Variants in ARB2A observed in about 807,000 individuals in gnomAD.
ARB2A encodes cotranscriptional regulator ARB2A.
At chr5:93,985,705 G>A in the ARB2A span, among the ~76,000 whole-genome samples, 5 of 152,208 alleles carry the variant, frequency 3.3e-5, no homozygotes, top group South Asian at 2.1e-4. Context: ...GATTGCAGAC[G>A]GAGTCTCGCT....
At chr5:93,881,622 G>C in the ARB2A span, 11 of 1,606,654 alleles carry the variant, frequency 6.8e-6, no homozygotes, top group South Asian at 1.2e-4. Context: ...GACTGTACGT[G>C]TATCTTCGGC....
the ARB2A span, among the ~76,000 whole-genome samples, chr5:93,729,400 T>A: frequency 6.6e-6 from 1 of 152,192 alleles, no homozygotes; most frequent in Admixed American, 6.5e-5. Context: ...AGTATAGAGG[T>A]ACAATGTTAC....
chr5:93,817,580 A>G, the ARB2A span, among the ~76,000 whole-genome samples: 1 of 152,174 alleles, frequency 6.6e-6, no homozygotes. Flanking sequence ...ACTTACCACA[A>G]AGCTACAGTA....
chr5:93,825,429 G>A, the ARB2A span, among the ~76,000 whole-genome samples: 1 of 152,156 alleles, frequency 6.6e-6, no homozygotes, highest in African/African-American at 2.4e-5. Flanking sequence ...TTGTTTGGGA[G>A]ACTGTCCCCA....
chr5:93,687,625 T>C, the ARB2A span, among the ~76,000 whole-genome samples: 3 of 152,182 alleles, frequency 2.0e-5, no homozygotes, highest in Non-Finnish European at 4.4e-5. Flanking sequence ...ATAGAACGTA[T>C]TATTTTTATA....
chr5:94,098,843 T>C, the ARB2A span, among the ~76,000 whole-genome samples: 2 of 152,202 alleles, frequency 1.3e-5, no homozygotes, highest in Admixed American at 1.3e-4. Context: ...GAAACTACTA[T>C]GAACACCTCT....
the ARB2A span, among the ~76,000 whole-genome samples, chr5:93,641,971 T>C: frequency 2.0e-5 from 3 of 152,120 alleles, no homozygotes; most frequent in Non-Finnish European, 4.4e-5. Context: ...GAGTTTCCTA[T>C]TGATGATTGT....
chr5:93,931,813 T>A, the ARB2A span, among the ~76,000 whole-genome samples: 6 of 152,088 alleles, frequency 3.9e-5, no homozygotes, highest in Admixed American at 2.0e-4. Context: ...ATAAACTCTA[T>A]CCTGAATTCT....
At chr5:93,889,628 T>C in the ARB2A span, among the ~76,000 whole-genome samples, 1 of 151,888 alleles carries the variant, frequency 6.6e-6, no homozygotes, top group East Asian at 1.9e-4. Flanking sequence ...TAATAATTTA[T>C]ATTGCTCATT....
chr5:93,867,562 C>T, the ARB2A span, among the ~76,000 whole-genome samples: 3 of 151,970 alleles, frequency 2.0e-5, no homozygotes, highest in Admixed American at 1.3e-4. Flanking sequence ...GGACTACAGG[C>T]GTGTGCCACC....
chr5:93,809,584 T>C, the ARB2A span, among the ~76,000 whole-genome samples: 1 of 152,022 alleles, frequency 6.6e-6, no homozygotes, highest in Non-Finnish European at 1.5e-5. Context: ...AAAACTTTAC[T>C]ATTTTATGTG....
chr5:93,756,246 A>C, the ARB2A span, among the ~76,000 whole-genome samples: 1 of 152,200 alleles, frequency 6.6e-6, no homozygotes, highest in African/African-American at 2.4e-5. Flanking sequence ...GTCTGAGCTC[A>C]GACATGCCTA....
the ARB2A span, among the ~76,000 whole-genome samples, chr5:93,642,897 A>G: frequency 2.0e-5 from 3 of 152,220 alleles, no homozygotes; most frequent in African/African-American, 7.2e-5. Flanking sequence ...AACCACCTAT[A>G]GAGAATAGTT....
At chr5:93,666,092 C>T in the ARB2A span, among the ~76,000 whole-genome samples, 3 of 152,146 alleles carry the variant, frequency 2.0e-5, no homozygotes, top group East Asian at 5.8e-4. Context: ...ACAGGCCTGA[C>T]AGTAACAATG....
chr5:93,830,289 A>ATG, the ARB2A span, among the ~76,000 whole-genome samples: 9 of 35,546 alleles, frequency 2.5e-4, no homozygotes, highest in Non-Finnish European at 3.5e-4. Context: ...ATATATTTAT[A>ATG]TGTATATATA....
At chr5:93,796,099 T>C in the ARB2A span, among the ~76,000 whole-genome samples, 1 of 152,136 alleles carries the variant, frequency 6.6e-6, no homozygotes, top group Non-Finnish European at 1.5e-5. Context: ...GAAGGATAAG[T>C]ATGGACAGAG....
the ARB2A span, among the ~76,000 whole-genome samples, chr5:93,685,014 T>C: frequency 6.6e-6 from 1 of 152,218 alleles, no homozygotes; most frequent in Non-Finnish European, 1.5e-5. Flanking sequence ...AAGTAGCAAC[T>C]AAAGAGTTAT....
At chr5:93,824,715 T>A in the ARB2A span, among the ~76,000 whole-genome samples, 1 of 152,198 alleles carries the variant, frequency 6.6e-6, no homozygotes, top group Non-Finnish European at 1.5e-5. Flanking sequence ...GCAACGTGGA[T>A]GCCTAATGAT....
the ARB2A span, among the ~76,000 whole-genome samples, chr5:93,637,359 T>TTTG: frequency 1.9e-5 from 2 of 103,410 alleles, no homozygotes; most frequent in East Asian, 2.1e-4. Context: ...GTTTAGTTTT[T>TTTG]TTTTTTTTTT....
Sources: allele counts gnomAD v4.1 joint callset (sites outside exome capture counted in the v4.1 genomes callset), GRCh38; gene constraint gnomAD v4.1.1; transcripts MANE v1.5; gene names NCBI Gene and HGNC (gene_info 2026-07-23, HGNC 2026-07-21).